TERT: variants seen among roughly 807,000 people sequenced by gnomAD.
The protein encoded by TERT is telomerase catalytic subunit.
A neutral mutation model predicts 104.0 loss-of-function variants in TERT; 42 were observed. The observed-to-expected ratio is 0.40, with a 90% confidence interval of 0.32 to 0.52. The LOEUF (loss-of-function observed/expected upper bound fraction) is 0.52. Among genes scored for constraint, TERT ranks in the 20% least tolerant of loss-of-function variants. The pLI is 0.43. For missense variants in TERT, 1,101 were observed against 1,610.3 expected, an observed-to-expected ratio of 0.68 and a Z score of 5.41; for synonymous variants, 781 against 725.6, an observed-to-expected ratio of 1.08 and a Z score of -1.23.
rs933919417 is a variant in TERT at position 1,265,268 on chromosome 5, G to A, written c.2655-676C>T. ...TGCGGCCTCTGCTGTGGCCCCGGGC[G>A]TCCCCCTGCCCTTCCTGTGGCCTGG... On this transcript the variant is annotated intron_variant, in intron 10 of 15. Coordinates refer to ENST00000310581, the MANE Select transcript of TERT (RefSeq NM_198253.3). This position sits in a 1 kb window ranked among gnomAD's most constrained non-coding sequence, Gnocchi z 6.9. Among the ~76,000 whole-genome samples the A allele has an allele frequency of 7.9e-5, 12 of 152,040 alleles. No individual in the cohort carries two copies. The highest frequency in any genetic ancestry group is 2.0e-4 in the Admixed American group (3 of 15,268).
At chr5:1,264,108 G>A (rs543741477) in intron 11 of TERT, 31 of 466,474 alleles carry the variant, frequency 6.6e-5, no homozygotes, top group Admixed American at 4.1e-4. Context: ...GGGCCCGGGC[G>A]TCTTGGGTTC....
intron 2 of TERT, among the ~76,000 whole-genome samples, chr5:1,291,642 G>C (rs1472748512): frequency 6.7e-6 from 1 of 148,448 alleles, no homozygotes; most frequent in African/African-American, 2.5e-5. Context: ...GACACCCGGG[G>C]GCCACACCTC....
rs1053375384 is a variant in TERT at position 1,256,970 on chromosome 5, G to A, written c.3033-1559C>T. Among the ~76,000 whole-genome samples, 10 of 152,098 alleles carry A rather than the reference G, an allele frequency of 6.6e-5. No homozygotes were observed. The highest frequency in any genetic ancestry group is 9.7e-5 in the African/African-American group (4 of 41,430). ...GCGCCACGTGGACCACCACAGCCTC[G>A]CCCACTGCAGCCTGGCTGCCGTGAA... On this transcript the variant is annotated intron_variant, in intron 13 of 15. Coordinates refer to ENST00000310581, the MANE Select transcript of TERT (RefSeq NM_198253.3). The surrounding 1 kb of genome is among the most constrained non-coding windows in gnomAD (Gnocchi z 7.0).
chr5:1,294,415 C>A lies in TERT; in HGVS notation c.471G>T (p.Ala157=), dbSNP rs1751242622. 6.3e-7 allele frequency: 1 copy of A among 1,589,702 alleles called. No individual in the cohort carries two copies. Among genetic ancestry groups the A allele is most frequent in the African/African-American group, 1.3e-5 (1 of 74,874 alleles). ...AGCTGGGAGCCACCAGCACAAAGAG[C>A]GCGCAGCGTGCCAGCAGGTGAACCA... is the stretch of plus-strand genomic sequence containing the variant. ...DVLVHLLARC[A]LFVLVAPSCA... Residue 157 remains alanine, a synonymous_variant, in exon 2 of 16, where the codon GCG becomes GCT. Coordinates refer to ENST00000310581, the MANE Select transcript of TERT (RefSeq NM_198253.3).
rs761603068 is a variant in TERT, at chr5:1,280,184, C to T, written c.1924G>A (p.Ala642Thr). 4 of 1,613,982 alleles carry T rather than the reference C, an allele frequency of 2.5e-6. No individual in the cohort carries two copies. The highest frequency in any genetic ancestry group is 1.3e-5 in the African/African-American group (1 of 74,948). Reference sequence around the variant, plus strand: ...CTCTTTTCTCTGCGGAACGTTCTGGCTCCCACGACGTAGTCCATGTTCACA... The same window carrying T: ...CTCTTTTCTCTGCGGAACGTTCTGGTTCCCACGACGTAGTCCATGTTCACA... Reference protein sequence around the residue: ...PIVNMDYVVGARTFRREKRAE... With the variant: ...PIVNMDYVVGTRTFRREKRAE... Residue 642 changes from alanine to threonine, a missense_variant, in exon 4 of 16, where the codon GCC (alanine) becomes ACC (threonine). Physicochemically the swap from Ala to Thr is moderately conservative, Grantham distance 58. Transcript: ENST00000310581.
rs769540249 is a variant in TERT, at chr5:1,280,284, C to T, written c.1824G>A (p.Gln608=). Residue 608 remains glutamine (Q), a synonymous_variant, in exon 4 of 16, where the codon CAG becomes CAA. Coordinates refer to ENST00000310581, the MANE Select transcript of TERT (RefSeq NM_198253.3). ...LRELSEAEVR[Q]HREARPALLT... Reference sequence around the variant, plus strand: ...GCAGGGCGGGCCTGGCTTCCCGATGCTGCCTGACCTCTGCTTCCGACAGCT... The same window carrying T: ...GCAGGGCGGGCCTGGCTTCCCGATGTTGCCTGACCTCTGCTTCCGACAGCT... The T allele has an allele frequency of 2.5e-6, 4 of 1,613,712 alleles. No homozygotes were observed. In the South Asian group the frequency reaches 4.4e-5, roughly 18 times the overall value.
chr5:1,278,552 G>T, intron 6 of TERT, 89 bp downstream of exon 6: 1 of 1,572,176 alleles, frequency 6.4e-7, no homozygotes. Flanking sequence ...CTCCACCACA[G>T]AAACGCATCA....
At position 1,255,500 on chromosome 5, in the gene TERT, G is replaced by A; in HGVS notation, c.3033-89C>T. On this transcript the variant is annotated intron_variant, in intron 13 of 15. Transcript: ENST00000310581. This position sits in a 1 kb window ranked among gnomAD's most constrained non-coding sequence, Gnocchi z 6.9. ...GGCATGGGCCCACCGGTGCCTGTGT[G>A]CGTGCATGAATGCACATGCATGGGT... The A allele has an allele frequency of 1.3e-6, 2 of 1,560,918 alleles. No individual in the cohort carries two copies. Among genetic ancestry groups the A allele is most frequent in the South Asian group, 2.2e-5 (2 of 89,190 alleles).
intron 6 of TERT, among the ~76,000 whole-genome samples, chr5:1,276,927 G>A (rs1354362078): frequency 6.6e-6 from 1 of 152,232 alleles, no homozygotes; most frequent in East Asian, 1.9e-4. Flanking sequence ...GAGCACAAAA[G>A]CAAGACACAC....
Position 1,262,784 on chromosome 5 carries a change from G to A in TERT, c.2843+1620C>T, listed in dbSNP as rs1463551785. The stretch of plus-strand genomic sequence containing the variant: ...AATAACATTCACTGATGCTGTGCCA[G>A]AGGCTGGAACCAGGGGTGCCTGTCC... On this transcript the variant is annotated intron_variant, in intron 11 of 15. Coordinates refer to ENST00000310581, the MANE Select transcript of TERT (RefSeq NM_198253.3). This position sits in a 1 kb window ranked among gnomAD's most constrained non-coding sequence, Gnocchi z 5.6. Among the ~76,000 whole-genome samples, 1 of 152,248 alleles carries A rather than the reference G, an allele frequency of 6.6e-6. No individual in the cohort carries two copies. Among genetic ancestry groups the A allele is most frequent in the Admixed American group, 6.5e-5 (1 of 15,288 alleles).
chr5:1,279,174 T>A, intron 5 of TERT, 117 bp downstream of exon 5: 1 of 1,195,866 alleles, frequency 8.4e-7, no homozygotes, highest in Non-Finnish European at 1.2e-6. Flanking sequence ...AGTGACAGGG[T>A]CACCTGCACT....
chr5:1,266,600 G>A (rs1692438980), intron 9 of TERT, 65 bp from the exon 10 acceptor site: 1 of 1,288,432 alleles, frequency 7.8e-7, no homozygotes, highest in African/African-American at 1.5e-5. Flanking sequence ...CTGTCTACGA[G>A]GGACTGAATG....
intron 7 of TERT, 98 bp from the exon 8 acceptor site, chr5:1,271,302 G>A (rs879400241): frequency 1.1e-6 from 1 of 869,744 alleles, no homozygotes; most frequent in Non-Finnish European, 1.9e-6. Flanking sequence ...TGGGGTCAGT[G>A]TTTGTGATGA....
intron 2 of TERT, among the ~76,000 whole-genome samples, chr5:1,291,689 C>T (rs1266283613): frequency 4.8e-5 from 7 of 146,956 alleles, no homozygotes; most frequent in African/African-American, 1.0e-4. Flanking sequence ...CCGGGGGCCG[C>T]GCCTCACTCA....
At chr5:1,275,004 A>G (rs1270096072) in intron 6 of TERT, among the ~76,000 whole-genome samples, 1 of 152,164 alleles carries the variant, frequency 6.6e-6, no homozygotes, top group Non-Finnish European at 1.5e-5. Context: ...CCCTAGCGAG[A>G]CCTGGAGAAG....
chr5:1,282,656 C>G lies in TERT; in HGVS notation c.1574-32G>C, dbSNP rs1234198763. 4 of 1,611,172 alleles carry G rather than the reference C, an allele frequency of 2.5e-6. No homozygotes were observed. In the African/African-American group the frequency reaches 5.3e-5, roughly 22 times the overall value. On this transcript the variant is annotated intron_variant, in intron 2 of 15. Coordinates refer to ENST00000310581, the MANE Select transcript of TERT (RefSeq NM_198253.3). ...CGAGAAGGACATGCCACATCCAGATCACCGAGGGCCTGGTGACCTCACCCC... is the reference window on the plus strand; with the variant it reads ...CGAGAAGGACATGCCACATCCAGATGACCGAGGGCCTGGTGACCTCACCCC...
At position 1,293,602 on chromosome 5, in the gene TERT, C is replaced by G. The variant is rs1443163588; in HGVS notation, c.1284G>C (p.Arg428=). 7 of 1,548,644 alleles carry G rather than the reference C, an allele frequency of 4.5e-6. No individual in the cohort carries two copies. Among genetic ancestry groups the G allele is most frequent in the Non-Finnish European group, 6.1e-6 (7 of 1,145,426 alleles). ...CCGCCACAGAGCCCTGGGGCTTCTC[C>G]CGGGCACAGACACCGGCTGCTGGGG... is the stretch of plus-strand genomic sequence containing the variant. The part of the protein sequence containing the change: ...AVTPAAGVCA[R]EKPQGSVAAP... Residue 428 remains arginine (R), a synonymous_variant, in exon 2 of 16, where the codon CGG becomes CGC. Transcript: ENST00000310581.
At chr5:1,279,566 T>G in intron 4 of TERT, 96 bp from the exon 5 acceptor site, 1 of 1,277,324 alleles carries the variant, frequency 7.8e-7, no homozygotes. Context: ...CCCTCCCCAG[T>G]GTCCCCAGCC....
At chr5:1,259,129 T>C (rs1296368253) in intron 12 of TERT, among the ~76,000 whole-genome samples, 198 of 57,948 alleles carry the variant, frequency 3.4e-3, no homozygotes, top group Middle Eastern at 0.017. Context: ...AGAGAGGGAG[T>C]GGATGCAGAT....
Sources: gnomAD v4.1 joint callset for allele counts (sites outside exome capture counted in the v4.1 genomes callset) on GRCh38, gnomAD v4.1.1 for gene constraint, Gnocchi (gnomAD v3.1) non-coding constraint, MANE v1.5 for transcripts, NCBI Gene and HGNC (gene_info 2026-07-23, HGNC 2026-07-21) for gene names.